Variants in INTS13 observed in about 807,000 individuals in gnomAD.
INTS13 encodes the protein asunder, spermatogenesis regulator homolog (Drosphila).
INTS13 carries 35 observed loss-of-function variants against 90.2 expected under a neutral mutation model. That is an observed-to-expected ratio of 0.39 (90% CI 0.30 to 0.51). The LOEUF is 0.51. INTS13 is among the 20% of genes least tolerant of loss of function. INTS13 has a pLI of 0.80. For missense variants in INTS13, 601 were observed against 851.2 expected (o/e 0.71, Z 3.66); for synonymous variants, 309 against 277.1 (o/e 1.11, Z -1.14).
Position 26,925,791 on chromosome 12 carries a change from G to A in INTS13, c.645C>T (p.Asp215=). 1.2e-6 allele frequency: 2 copies of A among 1,612,554 alleles called. No homozygotes were observed. Among genetic ancestry groups the A allele is most frequent in the South Asian group, 2.2e-5 (2 of 90,914 alleles). Residue 215 remains aspartate (D), a synonymous_variant, in exon 6 of 17, where the codon GAC becomes GAT. Transcript: ENST00000261191. ...TTTTAGAACGATCAGATACAAGGCTGTCTTCACCAACTGGGTAGGTGTGGA... is the reference window on the plus strand; with the variant it reads ...TTTTAGAACGATCAGATACAAGGCTATCTTCACCAACTGGGTAGGTGTGGA... ...VLIHTYPVGE[D]SLVSDRSKKE...
At chr12:26,914,850 T>G (rs549506858) in intron 11 of INTS13, among the ~76,000 whole-genome samples, 137 of 152,312 alleles carry the variant, frequency 9.0e-4, no homozygotes, top group Non-Finnish European at 1.5e-3. Context: ...ACACTTTTTT[T>G]CCCCTTCTGT....
rs2137376013 is a variant in INTS13, at chr12:26,905,420, T to C, written c.*77A>G. ...TCCAGGCAACATAACTATACCATCT[T>C]GCTGTAAAAGTACTTATATCGAATT... On this transcript the variant is annotated 3_prime_UTR_variant, in exon 17 of 17. Transcript: ENST00000261191. The C allele has an allele frequency of 7.5e-7, 1 of 1,333,100 alleles. No individual in the cohort carries two copies. Among genetic ancestry groups the C allele is most frequent in the Non-Finnish European group, 1.1e-6 (1 of 938,280 alleles). The allele number at this position is 1,333,100 out of a possible 1,614,324, so 82.6% of individuals were successfully genotyped here.
At chr12:26,908,671 G>A (rs1951685875) in intron 15 of INTS13, among the ~76,000 whole-genome samples, 1 of 151,504 alleles carries the variant, frequency 6.6e-6, no homozygotes, top group Admixed American at 6.6e-5. Context: ...GGGGAGGCCT[G>A]GAAAGTCATT....
At chr12:26,907,635 T>C (rs139846621) in intron 15 of INTS13, among the ~76,000 whole-genome samples, 29 of 152,338 alleles carry the variant, frequency 1.9e-4, no homozygotes, top group Non-Finnish European at 3.2e-4. Flanking sequence ...AAGTCATTTA[T>C]AAGAGAAGAA....
At chr12:26,919,193 A>T (rs1286869241) in intron 8 of INTS13, 1 of 158,044 alleles carries the variant, frequency 6.3e-6, no homozygotes, top group Admixed American at 6.3e-5. Context: ...AAAAGAAAAA[A>T]AAAAAGAAGA....
At chr12:26,930,231 T>G (rs927815252) in intron 3 of INTS13, among the ~76,000 whole-genome samples, 1 of 152,230 alleles carries the variant, frequency 6.6e-6, no homozygotes, top group Non-Finnish European at 1.5e-5. Context: ...ATGGCCATAT[T>G]ATCCAAACTG....
At chr12:26,920,235 T>G (rs917618570) in intron 8 of INTS13, among the ~76,000 whole-genome samples, 4 of 152,116 alleles carry the variant, frequency 2.6e-5, no homozygotes, top group Non-Finnish European at 4.4e-5. Context: ...CCTGCCTAAC[T>G]CTTACTGGCA....
rs201951303 is a variant in INTS13 at position 26,916,087 on chromosome 12, A to G, written c.1163T>C (p.Val388Ala). ...TAGAATGGATCGAGAACTGCTAAGG[A>G]CGTGCAAAAAAATCTCTCCTCCATG... ...SSHGGEIFLH[V>A]LSSSRSILED... Residue 388 changes from valine to alanine, a missense_variant, in exon 11 of 17, where the codon GTC becomes GCC. Physicochemically the swap from Val to Ala is moderately conservative, Grantham distance 64. This residue lies in a region of INTS13 where 89 missense variants were observed against 191.0 expected (regional missense o/e 0.47). Transcript: ENST00000261191. 5.6e-6 allele frequency: 9 copies of G among 1,613,878 alleles called. No homozygotes were observed. The highest frequency in any genetic ancestry group is 5.0e-5 in the Admixed American group (3 of 60,012).
At position 26,924,132 on chromosome 12, in the gene INTS13, T is replaced by TA. The variant is rs1937732434; in HGVS notation, c.804+222dup. ...AAGGTAAAGGTTCAATTAAAATAAA[T>TA]AATACATGTCCAACAATTATTTATT... On this transcript the variant is annotated intron_variant, in intron 7 of 16. Coordinates refer to ENST00000261191, the MANE Select transcript of INTS13 (RefSeq NM_018164.3). 3.3e-5 allele frequency among the ~76,000 whole-genome samples: 5 copies of TA among 152,290 alleles called. No individual in the cohort carries two copies. The South Asian group carries it at 1.0e-3, about 32-fold the overall frequency.
chr12:26,910,806 A>T (rs1951748764), intron 15 of INTS13, among the ~76,000 whole-genome samples: 2 of 152,194 alleles, frequency 1.3e-5, no homozygotes, highest in African/African-American at 2.4e-5. Flanking sequence ...ACAATATTAA[A>T]TAACACTGTA....
Position 26,911,326 on chromosome 12 carries a change from G to A in INTS13, c.1806-9C>T. 1 of 1,595,062 alleles carries A rather than the reference G, an allele frequency of 6.3e-7. No individual in the cohort carries two copies. Among genetic ancestry groups the A allele is most frequent in the Non-Finnish European group, 8.5e-7 (1 of 1,174,160 alleles). The stretch of plus-strand genomic sequence containing the variant: ...CTAAGATTCCTTTTAATCTTTTAGA[G>A]GGACAAATAATGAAATGTAAAGTTC... On this transcript the variant is annotated splice_polypyrimidine_tract_variant and intron_variant, in intron 14 of 16. Transcript: ENST00000261191.
chr12:26,928,492 A>G (rs1938007408), intron 4 of INTS13, among the ~76,000 whole-genome samples: 1 of 152,132 alleles, frequency 6.6e-6, no homozygotes, highest in Non-Finnish European at 1.5e-5. Flanking sequence ...ATGGCAATCT[A>G]AACAGTTTTC....
At chr12:26,911,742 T>C (rs923085908) in intron 14 of INTS13, among the ~76,000 whole-genome samples, 5 of 152,028 alleles carry the variant, frequency 3.3e-5, no homozygotes, top group East Asian at 3.9e-4. Context: ...GATGTATTTA[T>C]GTTCTGCAAA....
intron 8 of INTS13, among the ~76,000 whole-genome samples, chr12:26,921,372 T>C (rs1006523929): frequency 2.0e-5 from 3 of 152,260 alleles, no homozygotes. Context: ...TTCTTTTCCC[T>C]TCCTCAAGGT....
At chr12:26,924,558 T>A (rs1021334464) in intron 6 of INTS13, 75 bp from the exon 7 acceptor site, 12 of 1,401,108 alleles carry the variant, frequency 8.6e-6, no homozygotes, top group Non-Finnish European at 1.2e-5. Context: ...TATTTTAGTA[T>A]AAATCCATTA....
At position 26,926,358 on chromosome 12, in the gene INTS13, C is replaced by G. The variant is rs182833360; in HGVS notation, c.585-507G>C. 2.8e-4 allele frequency among the ~76,000 whole-genome samples: 42 copies of G among 152,278 alleles called. 1 individual carries two copies. Among genetic ancestry groups the G allele is most frequent in the Admixed American group, 1.7e-3 (26 of 15,280 alleles). The stretch of plus-strand genomic sequence containing the variant: ...TCAATGAACAACGTATGTCCTTCAC[C>G]TAGAGTCACTGTTAGCTATATTTGC... On this transcript the variant is annotated intron_variant, in intron 5 of 16. Coordinates refer to ENST00000261191, the MANE Select transcript of INTS13 (RefSeq NM_018164.3).
intron 15 of INTS13, among the ~76,000 whole-genome samples, chr12:26,908,134 G>C (rs1162994668): frequency 1.3e-5 from 2 of 152,152 alleles, no homozygotes; most frequent in African/African-American, 4.8e-5. Context: ...AAATTACAGG[G>C]AGCACAATTA....
At chr12:26,912,772 G>A (rs903562032) in intron 14 of INTS13, among the ~76,000 whole-genome samples, 48 of 151,430 alleles carry the variant, frequency 3.2e-4, no homozygotes, top group Admixed American at 7.2e-4. Flanking sequence ...CTATTGCCCA[G>A]GCTGGAGTGC....
intron 1 of INTS13, 32 bp from the exon 2 acceptor site, chr12:26,936,846 T>C: frequency 2.2e-6 from 3 of 1,395,314 alleles, no homozygotes; most frequent in Non-Finnish European, 3.0e-6. Flanking sequence ...AGCCAAATAT[T>C]TGTACATAAC....
Sources: gnomAD v4.1 joint callset for allele counts (sites outside exome capture counted in the v4.1 genomes callset) on GRCh38, gnomAD v4.1.1 for gene constraint, gnomAD v4.1.1 regional missense constraint, MANE v1.5 for transcripts, NCBI Gene and HGNC (gene_info 2026-07-23, HGNC 2026-07-21) for gene names.